Variants in EIPR1 observed in about 807,000 individuals in gnomAD.
The protein encoded by EIPR1 is EARP complex and GARP complex interacting protein 1.
EIPR1 carries 25 observed loss-of-function variants against 48.1 expected under a neutral mutation model. The ratio of observed to expected loss-of-function variants is 0.52; its 90% CI spans 0.38 to 0.73. The LOEUF (loss-of-function observed/expected upper bound fraction) is 0.73. Among genes scored for constraint, EIPR1 ranks in the 30% least tolerant of loss-of-function variants. The probability of loss-of-function intolerance (pLI) is 0.00; values close to 1 mark genes in which losing one functional copy is unlikely to be tolerated. For missense variants in EIPR1, 415 were observed against 506.2 expected (o/e 0.82, Z 1.73); for synonymous variants, 204 against 201.9 (o/e 1.01, Z -0.09).
At chr2:3,214,389 C>T (rs2103133892) in intron 4 of EIPR1, 141 bp from the exon 5 acceptor site, 1 of 668,378 alleles carries the variant, frequency 1.5e-6, no homozygotes, top group Non-Finnish European at 2.5e-6. Flanking sequence ...TACACTGTCA[C>T]CCGGCAATGC....
rs1489963081 is a variant in EIPR1 at position 3,298,725 on chromosome 2, G to A, written c.259+39292C>T. Reference sequence around the variant, plus strand: ...GATTGACAGCAGCCAAAGAGGGGCCGTGTTCTCTAAGGTGCTCGGGCTCTC... The same window carrying A: ...GATTGACAGCAGCCAAAGAGGGGCCATGTTCTCTAAGGTGCTCGGGCTCTC... On this transcript the variant is annotated intron_variant, in intron 3 of 8. Coordinates refer to ENST00000382125, the MANE Select transcript of EIPR1 (RefSeq NM_003310.5). Among the ~76,000 whole-genome samples, 8 of 152,006 alleles carry A rather than the reference G, an allele frequency of 5.3e-5. No homozygotes were observed. In the East Asian group the frequency reaches 5.8e-4, roughly 11 times the overall value.
chr2:3,341,245 C>T (rs556658508), intron 2 of EIPR1, among the ~76,000 whole-genome samples: 3 of 151,918 alleles, frequency 2.0e-5, no homozygotes, highest in Admixed American at 6.6e-5. Flanking sequence ...AAATCAGACA[C>T]GAGAAGGAGC....
chr2:3,225,818 C>G (rs754792298), intron 4 of EIPR1, among the ~76,000 whole-genome samples: 10 of 152,236 alleles, frequency 6.6e-5, no homozygotes, highest in Non-Finnish European at 1.2e-4. Flanking sequence ...CCACCAGCCT[C>G]TGGTAACCAC....
chr2:3,237,549 C>T (rs565730405), intron 4 of EIPR1, among the ~76,000 whole-genome samples: 2 of 152,320 alleles, frequency 1.3e-5, no homozygotes, highest in African/African-American at 4.8e-5. Context: ...GGGTTCCACA[C>T]TATCAGCCGT....
At chr2:3,329,393 C>A (rs538499799) in intron 3 of EIPR1, among the ~76,000 whole-genome samples, 1 of 151,622 alleles carries the variant, frequency 6.6e-6, no homozygotes, top group African/African-American at 2.4e-5. Context: ...CCACCTACCA[C>A]ACTCTAATGA....
intron 5 of EIPR1, among the ~76,000 whole-genome samples, chr2:3,211,271 C>T (rs1665445616): frequency 2.9e-5 from 2 of 69,358 alleles, no homozygotes; most frequent in Non-Finnish European, 6.2e-5. Flanking sequence ...CACTTTAACA[C>T]TAACGAAACA....
chr2:3,277,150 G>A (rs1667873146), intron 3 of EIPR1, among the ~76,000 whole-genome samples: 1 of 151,982 alleles, frequency 6.6e-6, no homozygotes, highest in Non-Finnish European at 1.5e-5. Context: ...AATGTTGGGG[G>A]AGAAACCACA....
intron 1 of EIPR1, among the ~76,000 whole-genome samples, chr2:3,375,397 AAGAG>A (rs1447251144): frequency 1.4e-5 from 2 of 147,198 alleles, no homozygotes; most frequent in African/African-American, 4.9e-5. Flanking sequence ...TTAAAAAAAA[AAGAG>A]AGAAAAAAAA....
intron 3 of EIPR1, among the ~76,000 whole-genome samples, chr2:3,273,136 T>C (rs1014842833): frequency 6.6e-6 from 1 of 152,244 alleles, no homozygotes; most frequent in African/African-American, 2.4e-5. Flanking sequence ...ACATTCTCTT[T>C]CATGTATCAA....
chr2:3,227,439 G>C (rs934344476), intron 4 of EIPR1, among the ~76,000 whole-genome samples: 25 of 152,208 alleles, frequency 1.6e-4, no homozygotes, highest in Non-Finnish European at 2.6e-4. Flanking sequence ...ATGACTTAGG[G>C]AATCTGGCAG....
rs28687458 is a variant in EIPR1 at position 3,365,711 on chromosome 2, G to C, written c.43-11078C>G. 6.5e-3 allele frequency among the ~76,000 whole-genome samples: 986 copies of C among 150,860 alleles called. 7 individuals carry two copies. Among genetic ancestry groups the C allele is most frequent in the African/African-American group, 0.023 (926 of 41,014 alleles). The stretch of plus-strand genomic sequence containing the variant: ...CTCTTAACGAGCCTGCTGCCTTCAA[G>C]CATCTGTTTAACAAAGCACATCTTG... On this transcript the variant is annotated intron_variant, in intron 1 of 8. Coordinates refer to ENST00000382125, the MANE Select transcript of EIPR1 (RefSeq NM_003310.5).
chr2:3,247,005 GAGAGAGCGAGGGAGGGAGAGAGC>G (rs1666842316), intron 4 of EIPR1, among the ~76,000 whole-genome samples: 5 of 18,120 alleles, frequency 2.8e-4, no homozygotes, highest in Non-Finnish European at 3.4e-4. Flanking sequence ...AGCGAGGGAG[GAGAGAGCGAGGGAGGGAGAGAGC>G]GAGGGAGGGA....
At chr2:3,327,593 C>T (rs2103334396) in intron 3 of EIPR1, among the ~76,000 whole-genome samples, 1 of 152,298 alleles carries the variant, frequency 6.6e-6, no homozygotes, top group East Asian at 1.9e-4. Flanking sequence ...TCCATCAGCT[C>T]ACACAGTTGC....
At chr2:3,314,451 T>G (rs1280065567) in intron 3 of EIPR1, among the ~76,000 whole-genome samples, 1 of 152,122 alleles carries the variant, frequency 6.6e-6, no homozygotes, top group Non-Finnish European at 1.5e-5. Context: ...TATACTCTCT[T>G]TTTTGGTCTT....
intron 4 of EIPR1, among the ~76,000 whole-genome samples, chr2:3,235,539 C>T (rs888597967): frequency 2.0e-5 from 3 of 152,190 alleles, no homozygotes; most frequent in Non-Finnish European, 4.4e-5. Context: ...CCTTCAGGTC[C>T]ACGCTACAGC....
chr2:3,211,449 C>T (rs1382711514), intron 5 of EIPR1, among the ~76,000 whole-genome samples: 1 of 152,204 alleles, frequency 6.6e-6, no homozygotes, highest in Non-Finnish European at 1.5e-5. Flanking sequence ...CTTCTGCCCA[C>T]TGCTCTCTTG....
In EIPR1 at chr2:3,312,530, T is replaced by TC. The variant is rs1452046626; in HGVS notation, c.259+25486dup. Among the ~76,000 whole-genome samples, 1 of 152,060 alleles carries TC rather than the reference T, an allele frequency of 6.6e-6. No homozygotes were observed. Among genetic ancestry groups the TC allele is most frequent in the South Asian group, 2.1e-4 (1 of 4,820 alleles). On this transcript the variant is annotated intron_variant, in intron 3 of 8. Coordinates refer to ENST00000382125, the MANE Select transcript of EIPR1 (RefSeq NM_003310.5). This position sits in a 1 kb window ranked among gnomAD's most constrained non-coding sequence, Gnocchi z 5.5. ...CAGGTTCCCATGGTCCTCCCAAGGC[T>TC]CCCTCCCACCACTCAGCACCTGCTC...
At chr2:3,208,389 C>A in intron 5 of EIPR1, 1 of 1,395,762 alleles carries the variant, frequency 7.2e-7, no homozygotes, top group Non-Finnish European at 9.5e-7. Flanking sequence ...CAGACCTGAC[C>A]CACAGCCCCA....
intron 3 of EIPR1, among the ~76,000 whole-genome samples, chr2:3,268,045 C>A (rs910244856): frequency 6.6e-6 from 1 of 152,206 alleles, no homozygotes. Context: ...GGGGCTTCCA[C>A]GCCATGGTCC....
Sources: allele counts gnomAD v4.1 joint callset (sites outside exome capture counted in the v4.1 genomes callset), GRCh38; gene constraint gnomAD v4.1.1; non-coding constraint Gnocchi (gnomAD v3.1); transcripts MANE v1.5; gene names NCBI Gene and HGNC (gene_info 2026-07-23, HGNC 2026-07-21).